The following SATL1 variants were observed in gnomAD, a reference collection of about 807,000 sequenced individuals.
SATL1 encodes spermidine/spermine N1-acetyl transferase like 1.
SATL1 carries 47 observed loss-of-function variants against 51.8 expected under a neutral mutation model. The observed-to-expected ratio is 0.91, with a 90% CI of 0.72 to 1.16. The LOEUF (loss-of-function observed/expected upper bound fraction) is 1.16. Ranked by LOEUF, SATL1 falls within the 50% of genes most tolerant of loss-of-function variation. The pLI is 0.00. For synonymous variants in SATL1, 176 were observed against 182.4 expected (o/e 0.97, Z 0.28); for missense variants, 520 against 526.4 (o/e 0.99, Z 0.12).
chrX:85,130,397 T>G (rs1440470585), intron 2 of SATL1, among the ~76,000 whole-genome samples: 1 of 111,931 alleles, frequency 8.9e-6, no homozygotes. Flanking sequence ...GTCCAGGAAT[T>G]TATCCATTTC....
chrX:85,182,980 T>A (rs927460993), intron 2 of SATL1, among the ~76,000 whole-genome samples: 2 of 111,855 alleles, frequency 1.8e-5, no homozygotes, highest in Non-Finnish European at 3.8e-5. Flanking sequence ...ATTTTGGATA[T>A]TAATCTCTTG....
intron 5 of SATL1, 66 bp from the exon 6 acceptor site, chrX:85,094,295 T>C: frequency 1.7e-6 from 1 of 595,620 alleles, no homozygotes; most frequent in Non-Finnish European, 2.9e-6. Flanking sequence ...TACCCCCAAA[T>C]TGAATGTCTT....
chrX:85,149,557 G>A (rs748368448), intron 2 of SATL1, among the ~76,000 whole-genome samples: 3 of 111,081 alleles, frequency 2.7e-5, no homozygotes, highest in African/African-American at 9.8e-5. Flanking sequence ...TGACCACATA[G>A]TTGGAAGTAA....
intron 2 of SATL1, among the ~76,000 whole-genome samples, chrX:85,189,978 C>T (rs746069908): frequency 8.9e-6 from 1 of 111,979 alleles, no homozygotes; most frequent in Non-Finnish European, 1.9e-5. Context: ...TTAATTCATG[C>T]TTAAACATAT....
chrX:85,130,740 G>A (rs1328813277), intron 2 of SATL1, among the ~76,000 whole-genome samples: 6 of 111,363 alleles, frequency 5.4e-5, no homozygotes, highest in Admixed American at 9.6e-5. Flanking sequence ...TGTAATGTTA[G>A]GGTGTCAATT....
At chrX:85,171,681 C>G (rs1411256980) in intron 2 of SATL1, among the ~76,000 whole-genome samples, 1 of 111,427 alleles carries the variant, frequency 9.0e-6, no homozygotes, top group Non-Finnish European at 1.9e-5. Context: ...GGGGACAAAA[C>G]TTACCCACCT....
intron 2 of SATL1, among the ~76,000 whole-genome samples, chrX:85,223,713 T>C (rs927791249): frequency 9.0e-6 from 1 of 111,321 alleles, no homozygotes; most frequent in Admixed American, 9.5e-5. Context: ...ATCCGTGTGA[T>C]AGGCATAGGG....
chrX:85,176,631 G>T (rs1927086952), intron 2 of SATL1, among the ~76,000 whole-genome samples: 1 of 111,366 alleles, frequency 9.0e-6, no homozygotes, highest in Admixed American at 9.6e-5. Flanking sequence ...TTGCTTTTCT[G>T]TATGAAAAGA....
chrX:85,165,969 G>A (rs1285649973), intron 2 of SATL1, among the ~76,000 whole-genome samples: 2 of 111,136 alleles, frequency 1.8e-5, no homozygotes, highest in African/African-American at 6.5e-5. Context: ...AAAAAATAAA[G>A]CCAAATACCT....
At chrX:85,093,057 G>T in intron 7 of SATL1, 128 bp downstream of exon 7, 1 of 589,210 alleles carries the variant, frequency 1.7e-6, no homozygotes. Context: ...GTTTAATTTG[G>T]GTAGAAATTT....
chrX:85,172,100 T>C (rs1362919312), intron 2 of SATL1, among the ~76,000 whole-genome samples: 1 of 111,580 alleles, frequency 9.0e-6, no homozygotes, highest in Non-Finnish European at 1.9e-5. Flanking sequence ...AATTATCTTA[T>C]ATCTTCTTTC....
intron 2 of SATL1, among the ~76,000 whole-genome samples, chrX:85,136,963 T>C (rs1433702005): frequency 5.4e-5 from 6 of 111,691 alleles, no homozygotes; most frequent in African/African-American, 2.0e-4. Flanking sequence ...TGTCGCTCTG[T>C]CACTGAAAAT....
chrX:85,174,362 G>A (rs1927044301), intron 2 of SATL1, among the ~76,000 whole-genome samples: 1 of 103,998 alleles, frequency 9.6e-6, no homozygotes, highest in Non-Finnish European at 2.0e-5. Flanking sequence ...CACTCTTGTT[G>A]CCCAGGCTGG....
intron 2 of SATL1, among the ~76,000 whole-genome samples, chrX:85,159,559 C>G (rs1360529440): frequency 3.6e-5 from 4 of 111,687 alleles, no homozygotes; most frequent in African/African-American, 1.3e-4. Flanking sequence ...GGAAACTGGT[C>G]CCTGGTGCCA....
chrX:85,127,880 G>A (rs1167463584), intron 2 of SATL1, among the ~76,000 whole-genome samples: 3 of 110,943 alleles, frequency 2.7e-5, no homozygotes, highest in Non-Finnish European at 3.8e-5. Flanking sequence ...CCACCTATGA[G>A]TGAGAACATG....
chrX:85,187,429 T>C (rs1452196503), intron 2 of SATL1, among the ~76,000 whole-genome samples: 2 of 111,579 alleles, frequency 1.8e-5, no homozygotes, highest in Non-Finnish European at 3.8e-5. Context: ...AATATTTCAG[T>C]TTTTCACCAT....
chrX:85,217,150 C>T (rs186680703), intron 2 of SATL1, among the ~76,000 whole-genome samples: 123 of 109,587 alleles, frequency 1.1e-3, no homozygotes, highest in African/African-American at 4.0e-3. Context: ...ATACATTAAA[C>T]AGGTGAATAT....
chrX:85,194,652 A>G (rs1327782289), intron 2 of SATL1, among the ~76,000 whole-genome samples: 1 of 110,692 alleles, frequency 9.0e-6, no homozygotes, highest in African/African-American at 3.3e-5. Flanking sequence ...GACTGGATAA[A>G]GAAGATGTGG....
chrX:85,103,306 A>G (rs919118272), intron 4 of SATL1, among the ~76,000 whole-genome samples: 1 of 111,679 alleles, frequency 9.0e-6, no homozygotes, highest in Non-Finnish European at 1.9e-5. Flanking sequence ...AGTTTATTAC[A>G]TGCATTCTGA....
Sources: allele counts gnomAD v4.1 joint callset (sites outside exome capture counted in the v4.1 genomes callset), GRCh38; gene constraint gnomAD v4.1.1; transcripts MANE v1.5; gene names NCBI Gene and HGNC (gene_info 2026-07-23, HGNC 2026-07-21).